Variants in TTC7B observed in about 807,000 individuals in gnomAD.
TTC7B encodes tetratricopeptide repeat domain 7B, also known as tetratricopeptide repeat protein 7B.
Under a neutral mutation model 106.8 loss-of-function variants are expected in TTC7B, and 28 were observed. That is an observed-to-expected ratio of 0.26 (90% CI 0.19 to 0.36). The LOEUF is 0.36. TTC7B is among the 10% of genes least tolerant of loss of function. TTC7B has a pLI of 1.00. For missense variants in TTC7B, 862 were observed against 1,076.4 expected (o/e 0.80, Z 2.79); for synonymous variants, 405 against 430.6 (o/e 0.94, Z 0.74).
intron 5 of TTC7B, among the ~76,000 whole-genome samples, chr14:90,715,165 A>G (rs8018447): frequency 0.2 from 30,610 of 152,156 alleles, 3,308 homozygotes; most frequent in East Asian, 0.42. Flanking sequence ...TCCCAGACCC[A>G]TCCGATGCCC....
intron 18 of TTC7B, among the ~76,000 whole-genome samples, chr14:90,586,218 C>T (rs1294836938): frequency 3.3e-5 from 5 of 152,328 alleles, no homozygotes; most frequent in Non-Finnish European, 5.9e-5. Flanking sequence ...GCTTTCCTCC[C>T]GCCTTGCCGA....
chr14:90,743,516 G>A (rs893671269), intron 4 of TTC7B, among the ~76,000 whole-genome samples: 3 of 152,172 alleles, frequency 2.0e-5, no homozygotes, highest in Non-Finnish European at 2.9e-5. Flanking sequence ...AAGTCTCATA[G>A]GATTTCTAAT....
At chr14:90,806,715 T>C (rs2030630435) in intron 1 of TTC7B, among the ~76,000 whole-genome samples, 1 of 152,156 alleles carries the variant, frequency 6.6e-6, no homozygotes, top group Admixed American at 6.5e-5. Flanking sequence ...GAGACCAGCC[T>C]GGGTAACATG....
chr14:90,539,217 G>A lies in TTC7B; in HGVS notation c.*2151C>T, dbSNP rs17126878. On this transcript the variant is annotated 3_prime_UTR_variant, in exon 20 of 20. Transcript: ENST00000328459. Reference sequence around the variant, plus strand: ...GAGATGAAGACAATGGAGAGGTGCCGGGCAGACACACAGGAGCCAGCCCCC... The same window carrying A: ...GAGATGAAGACAATGGAGAGGTGCCAGGCAGACACACAGGAGCCAGCCCCC... 0.04 allele frequency: 6,106 copies of A among 152,506 alleles called. 392 individuals are homozygous for A. Among genetic ancestry groups the A allele is most frequent in the African/African-American group, 0.14 (5,782 of 41,516 alleles). The allele number at this position is 152,506 out of a possible 1,614,324, so 9.4% of individuals were successfully genotyped here.
chr14:90,565,565 C>G (rs539856193), intron 19 of TTC7B, among the ~76,000 whole-genome samples: 1 of 151,974 alleles, frequency 6.6e-6, no homozygotes, highest in African/African-American at 2.4e-5. Flanking sequence ...CCATGCCCGG[C>G]TAATTTTTGT....
chr14:90,597,938 G>C (rs1025840931), intron 17 of TTC7B, among the ~76,000 whole-genome samples: 1 of 152,194 alleles, frequency 6.6e-6, no homozygotes, highest in Non-Finnish European at 1.5e-5. Context: ...TAGAATATAG[G>C]ACATATTTCC....
At chr14:90,689,806 TG>T in intron 6 of TTC7B, 94 bp from the exon 7 acceptor site, 6 of 1,401,584 alleles carry the variant, frequency 4.3e-6, no homozygotes, top group Non-Finnish European at 5.8e-6. Flanking sequence ...CATCACATTG[TG>T]CTAAGCACTA....
intron 1 of TTC7B, among the ~76,000 whole-genome samples, chr14:90,787,477 G>A (rs987554753): frequency 6.6e-6 from 1 of 152,184 alleles, no homozygotes; most frequent in African/African-American, 2.4e-5. Flanking sequence ...TTACAGCTGG[G>A]GTGCTGGGGA....
intron 3 of TTC7B, among the ~76,000 whole-genome samples, chr14:90,758,685 G>T (rs1351801540): frequency 1.3e-5 from 2 of 152,174 alleles, no homozygotes; most frequent in Non-Finnish European, 2.9e-5. Flanking sequence ...CCCAAGACTC[G>T]TTCACAGGCC....
intron 19 of TTC7B, among the ~76,000 whole-genome samples, chr14:90,558,054 C>T (rs1305819419): frequency 1.3e-5 from 2 of 152,376 alleles, no homozygotes; most frequent in African/African-American, 4.8e-5. Flanking sequence ...TCTTGGTATA[C>T]CGTCGGCACT....
intron 5 of TTC7B, among the ~76,000 whole-genome samples, chr14:90,715,888 T>A (rs577916797): frequency 6.6e-6 from 1 of 152,300 alleles, no homozygotes; most frequent in South Asian, 2.1e-4. Context: ...TTCACCCAAG[T>A]AGTTAACTAC....
chr14:90,660,417 A>AGAAAAG (rs1555386788), intron 9 of TTC7B, among the ~76,000 whole-genome samples: 34 of 119,468 alleles, frequency 2.8e-4, no homozygotes, highest in Admixed American at 6.6e-4. Flanking sequence ...AAAAAAAAAA[A>AGAAAAG]AAAAGAAAAG....
chr14:90,625,508 T>C (rs1456430503), intron 15 of TTC7B, among the ~76,000 whole-genome samples: 3 of 152,230 alleles, frequency 2.0e-5, no homozygotes, highest in Non-Finnish European at 2.9e-5. Flanking sequence ...GAAGGTGTTA[T>C]ATCTCTGCAA....
At chr14:90,775,845 G>A (rs984508600) in intron 3 of TTC7B, among the ~76,000 whole-genome samples, 10 of 152,026 alleles carry the variant, frequency 6.6e-5, no homozygotes, top group Non-Finnish European at 1.3e-4. Context: ...TTGGTGCCAT[G>A]CAATCTGGAA....
Position 90,578,059 on chromosome 14 carries a change from C to T in TTC7B, c.2310+47G>A. Reference sequence around the variant, plus strand: ...ATGTGCTACCTGCCGCTTCCAAGGGCTGTCCCCATGCCAGAGTAGGGGCCA... The same window carrying T: ...ATGTGCTACCTGCCGCTTCCAAGGGTTGTCCCCATGCCAGAGTAGGGGCCA... On this transcript the variant is annotated intron_variant, in intron 19 of 19. Transcript: ENST00000328459. This position sits in a 1 kb window ranked among gnomAD's most constrained non-coding sequence, Gnocchi z 4.7. 6.4e-7 allele frequency: 1 copy of T among 1,562,970 alleles called. No homozygotes were observed. The highest frequency in any genetic ancestry group is 1.3e-5 in the African/African-American group (1 of 74,172).
intron 17 of TTC7B, among the ~76,000 whole-genome samples, chr14:90,595,429 T>G (rs952772114): frequency 1.3e-5 from 2 of 152,226 alleles, no homozygotes; most frequent in Non-Finnish European, 2.9e-5. Flanking sequence ...TAAGAATCTA[T>G]CCTTGTTTAG....
At chr14:90,653,891 A>G (rs1885837658) in intron 12 of TTC7B, among the ~76,000 whole-genome samples, 1 of 152,232 alleles carries the variant, frequency 6.6e-6, no homozygotes, top group African/African-American at 2.4e-5. Context: ...AAGAATTTAC[A>G]TGGGTTAATA....
At chr14:90,798,033 A>G (rs1450962056) in intron 1 of TTC7B, among the ~76,000 whole-genome samples, 1 of 152,142 alleles carries the variant, frequency 6.6e-6, no homozygotes, top group Admixed American at 6.5e-5. Flanking sequence ...GACTGATGGA[A>G]CAGTGGAAAT....
At position 90,578,455 on chromosome 14, in the gene TTC7B, C is replaced by T. The variant is rs887249905; in HGVS notation, c.2108-147G>A. 122 of 796,990 alleles carry T rather than the reference C, an allele frequency of 1.5e-4. No individual in the cohort carries two copies. In the Admixed American group the frequency reaches 1.6e-3, roughly 11 times the overall value. The allele number at this position is 796,990 out of a possible 1,614,324, so 49.4% of individuals were successfully genotyped here. ...CCCTGCTCCAAGTGGAAACAGCTGCCGCTGACAGTCCCTCCTGCCCACTCC... is the reference window on the plus strand; with the variant it reads ...CCCTGCTCCAAGTGGAAACAGCTGCTGCTGACAGTCCCTCCTGCCCACTCC... On this transcript the variant is annotated intron_variant, in intron 18 of 19. Coordinates refer to ENST00000328459, the MANE Select transcript of TTC7B (RefSeq NM_001010854.2). The surrounding 1 kb of genome is among the most constrained non-coding windows in gnomAD (Gnocchi z 4.7).
Sources: allele counts gnomAD v4.1 joint callset (sites outside exome capture counted in the v4.1 genomes callset), GRCh38; gene constraint gnomAD v4.1.1; non-coding constraint Gnocchi (gnomAD v3.1); transcripts MANE v1.5; gene names NCBI Gene and HGNC (gene_info 2026-07-23, HGNC 2026-07-21).